TTN: variants seen among roughly 807,000 people sequenced by gnomAD.
TTN encodes connectin.
TTN carries 1,525 observed loss-of-function variants against 3,223.0 expected under a neutral mutation model. That is an observed-to-expected ratio of 0.47 (90% CI 0.45 to 0.49). The LOEUF is 0.49. Among genes scored for constraint, TTN ranks in the 20% least tolerant of loss-of-function variants. The pLI is 0.00. For synonymous variants in TTN, 14,094 were observed against 15,161.0 expected, an observed-to-expected ratio of 0.93 and a Z score of 5.17; for missense variants, 40,786 against 43,424.0, an observed-to-expected ratio of 0.94 and a Z score of 5.40.
intron 94 of TTN, 32 bp from the exon 95 acceptor site, chr2:178,712,625 A>C: frequency 6.2e-7 from 1 of 1,606,782 alleles, no homozygotes; most frequent in Non-Finnish European, 8.5e-7. Flanking sequence ...TATAAAATCA[A>C]ACACATATAC....
rs750193854 is a variant in TTN at position 178,602,299 on chromosome 2, G to A, written c.55103C>T (p.Pro18368Leu). The A allele has an allele frequency of 1.2e-6, 2 of 1,612,688 alleles. No individual in the cohort carries two copies. Among genetic ancestry groups the A allele is most frequent in the Admixed American group, 3.3e-5 (2 of 59,902 alleles). Residue 18368 changes from proline (P) to leucine (L), a missense_variant, in exon 283 of 363, where the codon CCT becomes CTT. Transcript: ENST00000589042. Reference protein sequence around the residue: ...SEPSDTTGEIPATDIQEEPEV... With the variant: ...SEPSDTTGEILATDIQEEPEV... ...ACTAGTACCTTGAATATCAGTGGCA[G>A]GGATCTCCCCAGTTGTATCACTTGG... is the stretch of plus-strand genomic sequence containing the variant.
Position 178,560,805 on chromosome 2 carries a change from C to T in TTN, c.85327G>A (p.Val28443Ile), listed in dbSNP as rs762332684. The T allele has an allele frequency of 3.1e-5, 50 of 1,613,554 alleles. No individual in the cohort carries two copies. Among genetic ancestry groups the T allele is most frequent in the Admixed American group, 8.3e-5 (5 of 59,974 alleles). ...GGCTTATCAAGTACTTTGCAATTAA[C>T]GGCCACAGACCGAGTGCCGGCAACA... ...KNVAGTRSVA[V>I]NCKVLDKPGP... Residue 28443 changes from valine (V) to isoleucine (I), a missense_variant, in exon 326 of 363, where the codon GTT (valine) becomes ATT (isoleucine). Val to Ile is a conservative substitution (Grantham distance 29). Transcript: ENST00000589042.
chr2:178,695,748 C>G, intron 114 of TTN, 117 bp downstream of exon 114: 1 of 858,402 alleles, frequency 1.2e-6, no homozygotes, highest in Non-Finnish European at 1.6e-6. Context: ...TTAAAAAAAT[C>G]TAAGATCATT....
In TTN at chr2:178,614,056, C is replaced by G. The variant is rs770932566; in HGVS notation, c.49341G>C (p.Gln16447His). The G allele has an allele frequency of 6.2e-7, 1 of 1,611,058 alleles. No individual in the cohort carries two copies. The highest frequency in any genetic ancestry group is 8.5e-7 in the Non-Finnish European group (1 of 1,178,878). ...TCAGCTGATTGAGAAACTTACCAAA[C>G]TGATATTTGGCTGTTATTGGAGAGG... ...VQASPITAKYQFDPPGPPTRL... is the reference protein window; with the variant it reads ...VQASPITAKYHFDPPGPPTRL... Residue 16447 changes from glutamine to histidine, a missense_variant, in exon 262 of 363, where the codon CAG (glutamine) becomes CAC (histidine). Physicochemically the swap from Gln to His is conservative, Grantham distance 24 (BLOSUM62 0). Transcript: ENST00000589042.
In TTN at chr2:178,549,167, T is replaced by G. The variant is rs745946937; in HGVS notation, c.92459A>C (p.Asn30820Thr). The stretch of plus-strand genomic sequence containing the variant: ...GACCACTGTGGGAGGACCTGGTGGG[T>G]TGACGGGCTCTCTACATTTAATGAG... ...SRLIKCREPV[N>T]PPGPPTVVKV... Residue 30820 changes from asparagine (N) to threonine (T), a missense_variant, in exon 339 of 363, where the codon AAC (asparagine) becomes ACC (threonine). Coordinates refer to ENST00000589042, the MANE Select transcript of TTN (RefSeq NM_001267550.2). The G allele has an allele frequency of 6.2e-7, 1 of 1,613,692 alleles. No homozygotes were observed. Among genetic ancestry groups the G allele is most frequent in the South Asian group, 1.1e-5 (1 of 91,084 alleles).
In TTN at chr2:178,548,334, C is replaced by T. The variant is rs760282296; in HGVS notation, c.93292G>A (p.Val31098Ile). The part of the protein sequence containing the change: ...FRVSAVNEYG[V>I]GEPYEMPEPI... ...TCTGGCATTTCATAGGGCTCACCAA[C>T]ACCATACTCATTTACTGCAGAAACA... is the stretch of plus-strand genomic sequence containing the variant. The change falls in exon 339 of 363, where the codon GTT (valine) becomes ATT (isoleucine). Residue 31098 changes from valine (V) to isoleucine (I), a missense_variant. By Grantham distance (29) the Val-to-Ile change is conservative (BLOSUM62 3). Coordinates refer to ENST00000589042, the MANE Select transcript of TTN (RefSeq NM_001267550.2). This position sits in a 1 kb window ranked among gnomAD's most constrained non-coding sequence, Gnocchi z 4.3. 30 of 1,613,732 alleles carry T rather than the reference C, an allele frequency of 1.9e-5. No individual in the cohort carries two copies. The African/African-American group carries it at 2.9e-4, about 16-fold the overall frequency.
At chr2:178,705,431 G>T (rs1475028977) in intron 102 of TTN, 74 bp from the exon 103 acceptor site, 1 of 1,131,432 alleles carries the variant, frequency 8.8e-7, no homozygotes, top group Admixed American at 3.1e-5. Flanking sequence ...ATCATTCAAA[G>T]ATTATATACT....
At chr2:178,729,643 G>C in intron 63 of TTN, 21 bp downstream of exon 63, 6 of 1,613,642 alleles carry the variant, frequency 3.7e-6, no homozygotes, top group Non-Finnish European at 4.2e-6. Flanking sequence ...CCAAAATGGA[G>C]AATAGATTCC....
Position 178,559,373 on chromosome 2 carries a change from G to C in TTN, c.86759C>G (p.Ser28920Cys), listed in dbSNP as rs1396089552. The C allele has an allele frequency of 6.2e-7, 1 of 1,613,272 alleles. No individual in the cohort carries two copies. Among genetic ancestry groups the C allele is most frequent in the Admixed American group, 1.7e-5 (1 of 59,976 alleles). ...QEGAIYYFRV[S>C]GENEFGVGIP... ...ACCAACACCAAACTCATTTTCTCCAGAGACTCTGAAGTAATAGATAGCTCC... is the reference window on the plus strand; with the variant it reads ...ACCAACACCAAACTCATTTTCTCCACAGACTCTGAAGTAATAGATAGCTCC... The change falls in exon 326 of 363, where the codon TCT (serine) becomes TGT (cysteine). Residue 28920 changes from serine to cysteine, a missense_variant. Physicochemically the swap from Ser to Cys is moderately radical, Grantham distance 112 (BLOSUM62 -1). Coordinates refer to ENST00000589042, the MANE Select transcript of TTN (RefSeq NM_001267550.2).
Position 178,589,975 on chromosome 2 carries a change from C to A in TTN, c.61750G>T (p.Glu20584Ter). The change falls in exon 304 of 363, where the codon GAG (glutamate) becomes TAG (stop). Residue 20584 changes from glutamate (E) to a stop codon, truncating the protein, a stop_gained. Transcript: ENST00000589042. LOFTEE classifies it high-confidence loss of function. Reference protein sequence around the residue: ...QNLKVTNVTKENCTISWENPL... With the variant: ...QNLKVTNVTK ...TTTTCCCAAGAAATTGTACAGTTCT[C>A]TTTGGTTACATTGGTAACCTTCAAA... 1 of 1,613,156 alleles carries A rather than the reference C, an allele frequency of 6.2e-7. No homozygotes were observed. Among genetic ancestry groups the A allele is most frequent in the Non-Finnish European group, 8.5e-7 (1 of 1,179,514 alleles).
chr2:178,604,882 T>C lies in TTN; in HGVS notation c.54207A>G (p.Pro18069=), dbSNP rs372686070. The part of the protein sequence containing the change: ...HVEVYDRPSP[P]RNLAVTDIKA... Reference sequence around the variant, plus strand: ...TAATGTCAGTAACAGCAAGATTTCTTGGTGGGGATGGGCGGTCTGGAAAGG... The same window carrying C: ...TAATGTCAGTAACAGCAAGATTTCTCGGTGGGGATGGGCGGTCTGGAAAGG... The change falls in exon 281 of 363, where the codon CCA becomes CCG. Residue 18069 remains proline (P), a synonymous_variant. Transcript: ENST00000589042. 75 of 1,611,714 alleles carry C rather than the reference T, an allele frequency of 4.7e-5. No homozygotes were observed. In the African/African-American group the frequency reaches 9.7e-4, roughly 21 times the overall value.
Position 178,611,813 on chromosome 2 carries a change from A to G in TTN, c.50496T>C (p.Ala16832=). The G allele has an allele frequency of 1.2e-6, 2 of 1,612,948 alleles. No individual in the cohort carries two copies. The highest frequency in any genetic ancestry group is 1.7e-6 in the Non-Finnish European group (2 of 1,179,294). The stretch of plus-strand genomic sequence containing the variant: ...TGGGTTCACTTGGGTGGCCAACTCC[A>G]GCTTCATTTTCAGCCCGAACCTGAA... ...VQFQVRAENE[A]GVGHPSEPTE... is the part of the protein sequence containing the mutation. Residue 16832 remains alanine (A), a synonymous_variant, in exon 268 of 363, where the codon GCT becomes GCC. Transcript: ENST00000589042.
intron 223 of TTN, 102 bp from the exon 224 acceptor site, chr2:178,637,521 C>T (rs776800271): frequency 1.5e-4 from 86 of 591,698 alleles, no homozygotes; most frequent in Admixed American, 5.2e-4. Context: ...TAAATATTAA[C>T]GCATAAAGAG....
Position 178,588,247 on chromosome 2 carries a change from C to T in TTN, c.63188-28G>A, listed in dbSNP as rs2049464807. On this transcript the variant is annotated intron_variant, in intron 304 of 362. Coordinates refer to ENST00000589042, the MANE Select transcript of TTN (RefSeq NM_001267550.2). ...GAAAGTAAAATATACATATAGTTAACTACTACTAGTGATACTTCAATGTGT... is the reference window on the plus strand; with the variant it reads ...GAAAGTAAAATATACATATAGTTAATTACTACTAGTGATACTTCAATGTGT... The T allele has an allele frequency of 2.6e-6, 4 of 1,516,394 alleles. No individual in the cohort carries two copies. The South Asian group carries it at 4.0e-5, about 15-fold the overall frequency. 93.9% of individuals were successfully genotyped at this position (1,516,394 alleles called of 1,614,324 possible).
At position 178,634,151 on chromosome 2, in the gene TTN, GC is replaced by G; in HGVS notation, c.42416-69del. ...CTTCAGAAAGATTCCATTCTAATCTGCCTGAGTAAAAGGGACCCATTTCACA... is the reference window on the plus strand; with the variant it reads ...CTTCAGAAAGATTCCATTCTAATCTGCTGAGTAAAAGGGACCCATTTCACA... On this transcript the variant is annotated intron_variant, in intron 230 of 362. Transcript: ENST00000589042. The surrounding 1 kb of genome is among the most constrained non-coding windows in gnomAD (Gnocchi z 4.6). The G allele has an allele frequency of 6.3e-7, 1 of 1,582,070 alleles. No individual in the cohort carries two copies. The highest frequency in any genetic ancestry group is 8.6e-7 in the Non-Finnish European group (1 of 1,168,596).
At chr2:178,644,677 C>A (rs2061660528) in intron 217 of TTN, 61 bp from the exon 218 acceptor site, 1 of 1,283,106 alleles carries the variant, frequency 7.8e-7, no homozygotes, top group African/African-American at 1.6e-5. Flanking sequence ...AAGTGATTAA[C>A]TTTCTACTCC....
In TTN at chr2:178,593,326, C is replaced by T. The variant is rs772550095; in HGVS notation, c.58882G>A (p.Val19628Ile). 5.6e-6 allele frequency: 9 copies of T among 1,613,348 alleles called. No homozygotes were observed. The South Asian group carries it at 9.9e-5, about 18-fold the overall frequency. Residue 19628 changes from valine (V) to isoleucine (I), a missense_variant, in exon 299 of 363, where the codon GTT becomes ATT. Physicochemically the swap from Val to Ile is conservative, Grantham distance 29. Transcript: ENST00000589042. ...RETMSKRWAR[V>I]TKDPIHPYTK... ...TATGGATGAATAGGATCTTTGGTAACTCTAGCCCATCGTTTAGACATAGTT... is the reference window on the plus strand; with the variant it reads ...TATGGATGAATAGGATCTTTGGTAATTCTAGCCCATCGTTTAGACATAGTT...
Position 178,757,717 on chromosome 2 carries a change from G to A in TTN, c.10503C>T (p.Asn3501=), listed in dbSNP as rs1188276170. Residue 3501 remains asparagine (N), a synonymous_variant, in exon 45 of 363, where the codon AAC becomes AAT. Coordinates refer to ENST00000589042, the MANE Select transcript of TTN (RefSeq NM_001267550.2). ...CTTTTGTTGGTAGAATTAGCTGCTG[G>A]TTATGAAACCATTGGATTTCTGGCT... ...IPKPEIQWFH[N]QQLILPTKDV... 8 of 1,613,698 alleles carry A rather than the reference G, an allele frequency of 5.0e-6. No individual in the cohort carries two copies. The highest frequency in any genetic ancestry group is 2.7e-5 in the African/African-American group (2 of 74,900).
At chr2:178,787,731 G>A (rs528900195) in intron 13 of TTN, among the ~76,000 whole-genome samples, 1 of 152,058 alleles carries the variant, frequency 6.6e-6, no homozygotes, top group African/African-American at 2.4e-5. Flanking sequence ...CTTAATCATG[G>A]TAAAATATTT....
Sources: gnomAD v4.1 joint callset for allele counts (sites outside exome capture counted in the v4.1 genomes callset) on GRCh38, gnomAD v4.1.1 for gene constraint, Gnocchi (gnomAD v3.1) non-coding constraint, MANE v1.5 for transcripts, NCBI Gene and HGNC (gene_info 2026-07-23, HGNC 2026-07-21) for gene names.